DEAF1: variants seen among roughly 807,000 people sequenced by gnomAD.
DEAF1 encodes the protein deformed epidermal autoregulatory factor 1 homolog.
A neutral mutation model predicts 58.9 loss-of-function variants in DEAF1; 53 were observed. The ratio of observed to expected loss-of-function variants is 0.90; its 90% CI spans 0.72 to 1.13. DEAF1 has a LOEUF of 1.13. DEAF1 is among the 50% of genes most tolerant of loss of function. The probability of loss-of-function intolerance (pLI) is 0.00; values close to 1 mark genes in which losing one functional copy is unlikely to be tolerated. For synonymous variants in DEAF1, 385 were observed against 340.4 expected (o/e 1.13, Z -1.44); for missense variants, 685 against 791.4 (o/e 0.87, Z 1.61).
chr11:687,969 C>T lies in DEAF1; in HGVS notation c.606G>A (p.Glu202=). Residue 202 remains glutamate (E), a synonymous_variant, in exon 4 of 12, where the codon GAG becomes GAA. Transcript: ENST00000382409. The stretch of plus-strand genomic sequence containing the variant: ...TGATGTTCCGGCACCGTACGGGCAG[C>T]TCACTGTCGTACACAGAAGGGTCCC... ...YNWDPSVYDS[E]LPVRCRNISG... 6.2e-7 allele frequency: 1 copy of T among 1,614,132 alleles called. No individual in the cohort carries two copies. The highest frequency in any genetic ancestry group is 8.5e-7 in the Non-Finnish European group (1 of 1,180,044).
intron 9 of DEAF1, among the ~76,000 whole-genome samples, chr11:677,959 T>C (rs1428851064): frequency 1.3e-5 from 1 of 78,954 alleles, no homozygotes. Context: ...TGACACTCTG[T>C]CTCAAAAAAA....
intron 6 of DEAF1, among the ~76,000 whole-genome samples, chr11:683,849 T>C (rs896976701): frequency 2.2e-4 from 33 of 152,298 alleles, no homozygotes; most frequent in African/African-American, 6.7e-4. Context: ...CATGATTTCC[T>C]AGACTGACAT....
chr11:694,972 C>G lies in DEAF1; in HGVS notation c.76G>C (p.Ala26Pro), dbSNP rs1305740576. Residue 26 changes from alanine (A) to proline (P), a missense_variant, in exon 1 of 12, where the codon GCG (alanine) becomes CCG (proline). Ala to Pro is a conservative substitution (Grantham distance 27, BLOSUM62 -1). Coordinates refer to ENST00000382409, the MANE Select transcript of DEAF1 (RefSeq NM_021008.4). ...CCTGCCGCGGCCGCGGCCGCCGCCG[C>G]CACAGCGGCCGCGGCCGCCACCGCC... ...AAAVAAAAAV[A>P]AAAAAAAGGE... The G allele has an allele frequency of 8.5e-7, 1 of 1,173,530 alleles. No individual in the cohort carries two copies. Among genetic ancestry groups the G allele is most frequent in the Non-Finnish European group, 1.1e-6 (1 of 951,016 alleles). The allele number at this position is 1,173,530 out of a possible 1,614,324, so 72.7% of individuals were successfully genotyped here. A position where few individuals can be genotyped will look rare whatever the true frequency, so the allele number is the denominator to read the frequency against.
intron 10 of DEAF1, among the ~76,000 whole-genome samples, chr11:669,109 G>A (rs4963172): frequency 2.6e-4 from 38 of 147,452 alleles, no homozygotes; most frequent in African/African-American, 9.5e-4. Flanking sequence ...ACAGGCGTAA[G>A]CCACTGCACC....
intron 11 of DEAF1, among the ~76,000 whole-genome samples, chr11:647,414 C>T (rs374302192): frequency 4.6e-5 from 7 of 152,108 alleles, no homozygotes; most frequent in African/African-American, 9.7e-5. Flanking sequence ...AAGATCGCGC[C>T]GCTGCACTCC....
At chr11:701,626 G>A (rs925164279) in intron 1 of DEAF1, among the ~76,000 whole-genome samples, 2 of 151,800 alleles carry the variant, frequency 1.3e-5, no homozygotes, top group Non-Finnish European at 2.9e-5. Context: ...AGCCAGGATG[G>A]TTTCCATCTC....
intron 10 of DEAF1, among the ~76,000 whole-genome samples, chr11:671,260 C>A (rs1012058094): frequency 6.8e-6 from 1 of 147,440 alleles, no homozygotes; most frequent in Non-Finnish European, 1.5e-5. Flanking sequence ...CTTGCTCTGT[C>A]GCCAGACTGG....
intron 5 of DEAF1, among the ~76,000 whole-genome samples, chr11:685,337 G>A (rs1860546330): frequency 1.3e-5 from 2 of 152,114 alleles, no homozygotes; most frequent in Admixed American, 1.3e-4. Context: ...GCCCGCCTCG[G>A]CCTCCCGAAG....
intron 5 of DEAF1, 135 bp downstream of exon 5, chr11:686,723 C>A: frequency 1.7e-6 from 2 of 1,203,762 alleles, no homozygotes; most frequent in South Asian, 1.3e-5. Context: ...CGCCCAAGGC[C>A]ACACAGACAG....
In DEAF1 at chr11:700,781, A is replaced by G. The variant is rs760255951; in HGVS notation, c.-438+5791T>C. 10 of 1,360,760 alleles carry G rather than the reference A, an allele frequency of 7.3e-6. No individual in the cohort carries two copies. The African/African-American group carries it at 1.4e-4, about 19-fold the overall frequency. 84.3% of individuals were successfully genotyped at this position (1,360,760 alleles called of 1,614,324 possible). The stretch of plus-strand genomic sequence containing the variant: ...CTGTTTCCACAGCCTTTCAAGAGTA[A>G]TTATTTTATAGTGTGGTTCTCAGAG... On this transcript the variant is annotated intron_variant, in intron 1 of 11. Coordinates refer to the DEAF1 transcript ENST00000683307.
intron 6 of DEAF1, among the ~76,000 whole-genome samples, chr11:682,361 T>C (rs1302573446): frequency 3.9e-5 from 6 of 152,232 alleles, no homozygotes; most frequent in Non-Finnish European, 8.8e-5. Context: ...GGTTCTTCGC[T>C]GTGGCTTTCC....
chr11:676,916 T>C (rs1465524428), intron 9 of DEAF1, among the ~76,000 whole-genome samples: 1 of 152,072 alleles, frequency 6.6e-6, no homozygotes. Context: ...ACACACAGAT[T>C]TGGAGCACAA....
chr11:657,886 G>A (rs151331049), intron 10 of DEAF1, among the ~76,000 whole-genome samples: 327 of 152,270 alleles, frequency 2.1e-3, no homozygotes, highest in Admixed American at 3.9e-3. Context: ...AATGGTGCAC[G>A]GGAGGCTGTC....
intron 10 of DEAF1, 133 bp downstream of exon 10, chr11:674,403 C>A: frequency 8.0e-7 from 1 of 1,242,424 alleles, no homozygotes; most frequent in East Asian, 2.3e-5. Context: ...TGACTCTCCA[C>A]AGCTCCCTTT....
rs1860704815 is a variant in DEAF1, at chr11:688,846, C to T, written c.388-386G>A. On this transcript the variant is annotated intron_variant, in intron 2 of 11. Coordinates refer to ENST00000382409, the MANE Select transcript of DEAF1 (RefSeq NM_021008.4). This position sits in a 1 kb window ranked among gnomAD's most constrained non-coding sequence, Gnocchi z 4.3. ...ACAAGGCCTTGTGCAGGACCGCCCT[C>T]CAGACCTCCTTACAGATGGCAACTG... 6.6e-6 allele frequency among the ~76,000 whole-genome samples: 1 copy of T among 152,184 alleles called. No homozygotes were observed. The highest frequency in any genetic ancestry group is 1.5e-5 in the Non-Finnish European group (1 of 68,046).
Position 695,051 on chromosome 11 carries a change from G to A in DEAF1, c.-4C>T. On this transcript the variant is annotated 5_prime_UTR_variant, in exon 1 of 12. Coordinates refer to ENST00000382409, the MANE Select transcript of DEAF1 (RefSeq NM_021008.4). ...CCGCCGAGTCCGAGTCCTCCATCCG[G>A]ACTCCGCCGAGCCTTCCCGAAGGCG... 7.0e-7 allele frequency: 1 copy of A among 1,437,134 alleles called. No individual in the cohort carries two copies. Among genetic ancestry groups the A allele is most frequent in the African/African-American group, 1.5e-5 (1 of 66,800 alleles). 89.0% of individuals were successfully genotyped at this position (1,437,134 alleles called of 1,614,324 possible).
chr11:680,849 C>A, intron 7 of DEAF1, 114 bp downstream of exon 7: 1 of 1,481,592 alleles, frequency 6.7e-7, no homozygotes, highest in Non-Finnish European at 9.4e-7. Flanking sequence ...TCCCTCTGGC[C>A]ACGCAATGTG....
At chr11:654,136 G>C (rs1300825824) in intron 10 of DEAF1, 85 bp from the exon 11 acceptor site, 1 of 1,063,712 alleles carries the variant, frequency 9.4e-7, no homozygotes, top group Non-Finnish European at 1.4e-6. Context: ...GTGCAGGCAG[G>C]AGGCCCCAAG....
At chr11:653,455 G>C (rs868467500) in intron 11 of DEAF1, among the ~76,000 whole-genome samples, 598 of 143,960 alleles carry the variant, frequency 4.2e-3, no homozygotes, top group Admixed American at 6.5e-3. Flanking sequence ...CTGCAGGGGT[G>C]TGGAGGGCTC....
Sources: allele counts gnomAD v4.1 joint callset (sites outside exome capture counted in the v4.1 genomes callset), GRCh38; gene constraint gnomAD v4.1.1; non-coding constraint Gnocchi (gnomAD v3.1); transcripts MANE v1.5; gene names NCBI Gene and HGNC (gene_info 2026-07-23, HGNC 2026-07-21).